MKNK1: variants seen among roughly 807,000 people sequenced by gnomAD.
MKNK1 encodes MAPK interacting serine/threonine kinase 1, also known as MAP kinase-interacting serine/threonine-protein kinase 1.
A neutral mutation model predicts 49.3 loss-of-function variants in MKNK1; 30 were observed. The ratio of observed to expected loss-of-function variants is 0.61; its 90% CI spans 0.46 to 0.83. MKNK1 has a LOEUF of 0.83. Ranked by LOEUF, MKNK1 falls within the 40% of genes least tolerant of loss-of-function variation. The probability of loss-of-function intolerance (pLI) is 0.00; values close to 1 mark genes in which losing one functional copy is unlikely to be tolerated. For missense variants in MKNK1, 423 were observed against 524.7 expected, an observed-to-expected ratio of 0.81 and a Z score of 1.89; for synonymous variants, 176 against 201.7, an observed-to-expected ratio of 0.87 and a Z score of 1.08.
At chr1:46,601,684 C>T (rs908992387) in intron 1 of MKNK1, among the ~76,000 whole-genome samples, 3 of 152,152 alleles carry the variant, frequency 2.0e-5, no homozygotes, top group African/African-American at 7.2e-5. Context: ...TCCTTAGGCA[C>T]AAAGAGGAGG....
chr1:46,564,062 AAAAG>A (rs1668556530), intron 9 of MKNK1, among the ~76,000 whole-genome samples: 1 of 149,288 alleles, frequency 6.7e-6, no homozygotes, highest in African/African-American at 2.5e-5. Context: ...AAAAAAAAAA[AAAAG>A]GGTTATTAGG....
chr1:46,592,332 C>A (rs1392257939), intron 2 of MKNK1, among the ~76,000 whole-genome samples: 1 of 152,236 alleles, frequency 6.6e-6, no homozygotes, highest in Non-Finnish European at 1.5e-5. Context: ...TTGACCAAGG[C>A]ACCAACAGTC....
intron 7 of MKNK1, chr1:46,568,727 TAAG>T (rs1669543934): frequency 1.9e-6 from 1 of 537,722 alleles, no homozygotes; most frequent in Non-Finnish European, 3.3e-6. Flanking sequence ...CTGGCAGGGA[TAAG>T]AAGGGCTAAA....
intron 2 of MKNK1, chr1:46,584,436 T>C (rs372555046): frequency 5.9e-5 from 9 of 151,864 alleles, no homozygotes; most frequent in East Asian, 5.8e-4. Context: ...GGGCATACGA[T>C]GTGAGAGACT....
intron 8 of MKNK1, among the ~76,000 whole-genome samples, chr1:46,567,983 G>C (rs532030270): frequency 3.5e-4 from 54 of 152,264 alleles, no homozygotes; most frequent in African/African-American, 1.2e-3. Flanking sequence ...TTAGCCAGGT[G>C]TGGTGGCACA....
rs1667325260 is a variant in MKNK1 at position 46,558,271 on chromosome 1, T to A, written c.*304A>T. 1 of 373,640 alleles carries A rather than the reference T, an allele frequency of 2.7e-6. No individual in the cohort carries two copies. Among genetic ancestry groups the A allele is most frequent in the Admixed American group, 4.4e-5 (1 of 22,894 alleles). 23.1% of individuals were successfully genotyped at this position (373,640 alleles called of 1,614,324 possible). Reference sequence around the variant, plus strand: ...GCTACAGCGGTGAGAGCAGGCTGGATCCCAGATCTGCAGGCGGGTGAGCAG... The same window carrying A: ...GCTACAGCGGTGAGAGCAGGCTGGAACCCAGATCTGCAGGCGGGTGAGCAG... On this transcript the variant is annotated 3_prime_UTR_variant, in exon 13 of 13. Coordinates refer to ENST00000371945, the MANE Select transcript of MKNK1 (RefSeq NM_001135553.4).
In MKNK1 at chr1:46,577,305, C is replaced by A. The variant is rs148462107; in HGVS notation, c.199-651G>T. Among the ~76,000 whole-genome samples, 1,132 of 152,102 alleles carry A rather than the reference C, an allele frequency of 7.4e-3. 11 individuals carry two copies. Among genetic ancestry groups the A allele is most frequent in the African/African-American group, 0.026 (1,069 of 41,476 alleles). On this transcript the variant is annotated intron_variant, in intron 4 of 12. Transcript: ENST00000371945. Reference sequence around the variant, plus strand: ...ACCAGCCTGGCCAACACGGTGAAACCCCGTCTCTACTGAAAATACAAAAAA... The same window carrying A: ...ACCAGCCTGGCCAACACGGTGAAACACCGTCTCTACTGAAAATACAAAAAA...
At chr1:46,562,932 A>C in intron 9 of MKNK1, 89 bp from the exon 10 acceptor site, 1 of 1,117,490 alleles carries the variant, frequency 8.9e-7, no homozygotes, top group South Asian at 1.6e-5. Flanking sequence ...GCAGACTGTG[A>C]TGGGACTGGA....
rs762005363 is a variant in MKNK1 at position 46,594,117 on chromosome 1, A to C, written c.-7T>G. The C allele has an allele frequency of 1.2e-6, 2 of 1,606,406 alleles. No individual in the cohort carries two copies. Among genetic ancestry groups the C allele is most frequent in the Non-Finnish European group, 1.7e-6 (2 of 1,173,164 alleles). On this transcript the variant is annotated 5_prime_UTR_variant, in exon 2 of 13. Coordinates refer to ENST00000371945, the MANE Select transcript of MKNK1 (RefSeq NM_001135553.4). The stretch of plus-strand genomic sequence containing the variant: ...AAAATGTACACCCAATCTTACCTAT[A>C]GGTTTTTCCAACTTTTGAGAAGATA...
At chr1:46,592,368 A>G (rs916263406) in intron 2 of MKNK1, among the ~76,000 whole-genome samples, 2 of 152,264 alleles carry the variant, frequency 1.3e-5, no homozygotes, top group African/African-American at 4.8e-5. Flanking sequence ...TTCCAGCAAC[A>G]GACAGCATCT....
Position 46,572,181 on chromosome 1 carries a change from G to A in MKNK1, c.353-14C>T. On this transcript the variant is annotated splice_polypyrimidine_tract_variant and intron_variant, in intron 6 of 12. Transcript: ENST00000371945. ...CTAAGATGGAACCTGGGGAGCAGAG[G>A]GGACATAGAAGAATGCCTTTTTGGG... 1 of 1,611,578 alleles carries A rather than the reference G, an allele frequency of 6.2e-7. No individual in the cohort carries two copies. Among genetic ancestry groups the A allele is most frequent in the Non-Finnish European group, 8.5e-7 (1 of 1,177,824 alleles).
intron 2 of MKNK1, among the ~76,000 whole-genome samples, chr1:46,585,108 G>A (rs922878825): frequency 2.0e-5 from 3 of 151,544 alleles, no homozygotes; most frequent in Non-Finnish European, 4.4e-5. Flanking sequence ...AAATTAGCTG[G>A]GTGTGGTGGC....
chr1:46,584,357 G>A (rs1301191436), intron 2 of MKNK1: 1 of 152,182 alleles, frequency 6.6e-6, no homozygotes, highest in East Asian at 1.9e-4. Flanking sequence ...GAAGTCTCTG[G>A]GTCTAAATCC....
intron 11 of MKNK1, 132 bp from the exon 12 acceptor site, chr1:46,560,409 C>G: frequency 1.1e-6 from 1 of 926,184 alleles, no homozygotes; most frequent in Non-Finnish European, 1.7e-6. Flanking sequence ...TGCTTGCTTG[C>G]AGGGTCAGGC....
chr1:46,590,325 G>A (rs1250215558), intron 2 of MKNK1, among the ~76,000 whole-genome samples: 4 of 152,182 alleles, frequency 2.6e-5, no homozygotes, highest in African/African-American at 9.7e-5. Flanking sequence ...TGAAGTAGTA[G>A]CCGGAGCAGT....
chr1:46,603,513 T>C (rs1432584165), intron 1 of MKNK1, among the ~76,000 whole-genome samples: 1 of 152,188 alleles, frequency 6.6e-6, no homozygotes, highest in African/African-American at 2.4e-5. Flanking sequence ...AATGACCCTA[T>C]TATGGCCATT....
Position 46,589,930 on chromosome 1 carries a change from T to C in MKNK1, c.-3+4183A>G, listed in dbSNP as rs1673107998. 6.6e-6 allele frequency among the ~76,000 whole-genome samples: 1 copy of C among 152,168 alleles called. No individual in the cohort carries two copies. ...TCATATCTGTGCATGAAACCAGAGA[T>C]GATCCTCTCCCCACTGAGAACCCGA... On this transcript the variant is annotated intron_variant, in intron 2 of 12. Transcript: ENST00000371945. This position sits in a 1 kb window ranked among gnomAD's most constrained non-coding sequence, Gnocchi z 4.3.
rs1180001687 is a variant in MKNK1 at position 46,558,680 on chromosome 1, G to A, written c.1134C>T (p.Leu378=). The A allele has an allele frequency of 4.3e-6, 7 of 1,614,130 alleles. No individual in the cohort carries two copies. Among genetic ancestry groups the A allele is most frequent in the African/African-American group, 1.3e-5 (1 of 74,962 alleles). The stretch of plus-strand genomic sequence containing the variant: ...AGGGAGGGGAAAGCTTCATGGAGCA[G>A]AGGCCATCAGCTAGTGCCTCTGGCT... ...AEEPEALADG[L]CSMKLSPPCK... Residue 378 remains leucine, a synonymous_variant, in exon 13 of 13, where the codon CTC becomes CTT. Coordinates refer to ENST00000371945, the MANE Select transcript of MKNK1 (RefSeq NM_001135553.4).
rs944516225 is a variant in MKNK1 at position 46,558,098 on chromosome 1, G to A, written c.*477C>T. Reference sequence around the variant, plus strand: ...GCTTTGCTCAGCCAAGGGAGAAGACGGGCAAAGAGGACATCCGGAGGACAG... The same window carrying A: ...GCTTTGCTCAGCCAAGGGAGAAGACAGGCAAAGAGGACATCCGGAGGACAG... On this transcript the variant is annotated 3_prime_UTR_variant, in exon 13 of 13. Coordinates refer to ENST00000371945, the MANE Select transcript of MKNK1 (RefSeq NM_001135553.4). The A allele has an allele frequency of 3.2e-4, 50 of 156,476 alleles. No individual in the cohort carries two copies. The highest frequency in any genetic ancestry group is 2.0e-4 in the Non-Finnish European group (14 of 70,520). The allele number at this position is 156,476 out of a possible 1,614,324, so 9.7% of individuals were successfully genotyped here. A position where few individuals can be genotyped will look rare whatever the true frequency, so the allele number is the denominator to read the frequency against.
Sources: gnomAD v4.1 joint callset for allele counts (sites outside exome capture counted in the v4.1 genomes callset) on GRCh38, gnomAD v4.1.1 for gene constraint, Gnocchi (gnomAD v3.1) non-coding constraint, MANE v1.5 for transcripts, NCBI Gene and HGNC (gene_info 2026-07-23, HGNC 2026-07-21) for gene names.